The following EPHA8 variants were observed in gnomAD, a reference collection of about 807,000 sequenced individuals.
The protein encoded by EPHA8 is EPH receptor A8.
In EPHA8, 58 loss-of-function variants were observed where a neutral mutation model predicts 103.6. That is an observed-to-expected ratio of 0.56 (90% confidence interval 0.45 to 0.70). The LOEUF (loss-of-function observed/expected upper bound fraction) is 0.70, where lower values mean the gene tolerates loss of function less well. Ranked by LOEUF, EPHA8 falls within the 30% of genes least tolerant of loss-of-function variation. The probability of loss-of-function intolerance (pLI) is 0.00; values close to 1 mark genes in which losing one functional copy is unlikely to be tolerated. For missense variants in EPHA8, 1,304 were observed against 1,395.2 expected (o/e 0.93, Z 1.04); for synonymous variants, 559 against 572.5 (o/e 0.98, Z 0.34).
chr1:22,595,148 G>T (rs966219473), intron 7 of EPHA8, 82 bp from the exon 8 acceptor site: 35 of 1,177,530 alleles, frequency 3.0e-5, no homozygotes, highest in Non-Finnish European at 2.0e-5. Flanking sequence ...TCACAGCCAG[G>T]CAGGCTCAGA....
chr1:22,592,026 C>T (rs1028040551), intron 5 of EPHA8, among the ~76,000 whole-genome samples: 10 of 152,118 alleles, frequency 6.6e-5, no homozygotes, highest in Non-Finnish European at 1.5e-4. Context: ...GCAGAGTTCC[C>T]GGCTCCTAGC....
rs146955063 is a variant in EPHA8 at position 22,598,189 on chromosome 1, G to A, written c.2155G>A (p.Gly719Ser). 8 of 1,613,264 alleles carry A rather than the reference G, an allele frequency of 5.0e-6. No homozygotes were observed. The East Asian group carries it at 6.7e-5, about 13-fold the overall frequency. Residue 719 changes from glycine to serine, a missense_variant, in exon 12 of 17, where the codon GGC becomes AGC. Transcript: ENST00000166244. The surrounding 1 kb of genome is among the most constrained non-coding windows in gnomAD (Gnocchi z 5.1). Reference protein sequence around the residue: ...AMIVTEYMENGSLDTFLRTHD... With the variant: ...AMIVTEYMENSSLDTFLRTHD... ...GATTGTGACTGAGTACATGGAGAAC[G>A]GCTCTCTGGACACCTTCCTGAGGGT...
Position 22,593,619 on chromosome 1 carries a change from C to G in EPHA8, c.1536C>G (p.Val512=). 3 of 1,609,780 alleles carry G rather than the reference C, an allele frequency of 1.9e-6. No individual in the cohort carries two copies. Among genetic ancestry groups the G allele is most frequent in the Non-Finnish European group, 1.7e-6 (2 of 1,178,522 alleles). ...LKPGTRYVFQ[V]RARTSAGCGR... Reference sequence around the variant, plus strand: ...CGGGCACCCGCTACGTGTTCCAGGTCCGAGCCCGCACCTCAGCAGGCTGTG... The same window carrying G: ...CGGGCACCCGCTACGTGTTCCAGGTGCGAGCCCGCACCTCAGCAGGCTGTG... Residue 512 remains valine, a synonymous_variant, in exon 7 of 17, where the codon GTC becomes GTG. Coordinates refer to ENST00000166244, the MANE Select transcript of EPHA8 (RefSeq NM_020526.5).
At chr1:22,578,054 TGC>T (rs1491369495) in intron 3 of EPHA8, among the ~76,000 whole-genome samples, 108 of 84,658 alleles carry the variant, frequency 1.3e-3, no homozygotes, top group African/African-American at 4.2e-3. Context: ...TGCATGTGTG[TGC>T]ATGTGTGCAT....
In EPHA8 at chr1:22,589,138, A is replaced by G. The variant is rs1467309835; in HGVS notation, c.1247A>G (p.Asn416Ser). ...TACTCCTTCTGGATCGAGGCCGTCA[A>G]TGGCGTGTCCGACCTGAGCCCCGAG... Reference protein sequence around the residue: ...MNYSFWIEAVNGVSDLSPEPR... With the variant: ...MNYSFWIEAVSGVSDLSPEPR... The change falls in exon 5 of 17, where the codon AAT (asparagine) becomes AGT (serine). Residue 416 changes from asparagine to serine, a missense_variant. Transcript: ENST00000166244. This position sits in a 1 kb window ranked among gnomAD's most constrained non-coding sequence, Gnocchi z 4.3. 18 of 1,613,878 alleles carry G rather than the reference A, an allele frequency of 1.1e-5. No individual in the cohort carries two copies. In the East Asian group the frequency reaches 2.5e-4, roughly 22 times the overall value.
In EPHA8 at chr1:22,601,717, C is replaced by T. The variant is rs1213775602; in HGVS notation, c.2994C>T (p.Thr998=). Reference sequence around the variant, plus strand: ...CCATGCGGGCCCAGCTGACCAGCACCCAGGGGCCCCGCCGGCACCTCTGAT... The same window carrying T: ...CCATGCGGGCCCAGCTGACCAGCACTCAGGGGCCCCGCCGGCACCTCTGAT... The part of the protein sequence containing the change: ...IQTMRAQLTS[T]QGPRRHL The change falls in exon 17 of 17, where the codon ACC becomes ACT. Residue 998 remains threonine (T), a synonymous_variant. Transcript: ENST00000166244. 6.4e-7 allele frequency: 1 copy of T among 1,566,462 alleles called. No individual in the cohort carries two copies. The highest frequency in any genetic ancestry group is 1.7e-4 in the Middle Eastern group (1 of 5,828).
intron 1 of EPHA8, among the ~76,000 whole-genome samples, chr1:22,566,318 G>A (rs529558577): frequency 1.2e-4 from 19 of 152,356 alleles, no homozygotes; most frequent in South Asian, 4.1e-4. Context: ...ACCATCATGC[G>A]CTGCGTCCTC....
rs375816919 is a variant in EPHA8, at chr1:22,600,883, G to C, written c.2539-15G>C. ...GCAGGGAGGGACGGCTGAGCCCAGC[G>C]CTGATCCCCTGCAGGTCATCAGCTC... is the stretch of plus-strand genomic sequence containing the variant. On this transcript the variant is annotated splice_polypyrimidine_tract_variant and intron_variant, in intron 14 of 16. Transcript: ENST00000166244. 6.3e-7 allele frequency: 1 copy of C among 1,596,692 alleles called. No individual in the cohort carries two copies. The highest frequency in any genetic ancestry group is 8.5e-7 in the Non-Finnish European group (1 of 1,170,468).
chr1:22,594,849 C>T (rs1485030363), intron 7 of EPHA8, among the ~76,000 whole-genome samples: 3 of 152,118 alleles, frequency 2.0e-5, no homozygotes, highest in Non-Finnish European at 2.9e-5. Flanking sequence ...CTGGAAGGGA[C>T]GTGGGGAGGG....
chr1:22,577,782 ATGTGTGCG>A lies in EPHA8; in HGVS notation c.823+912_823+919del, dbSNP rs370870592. ...GTGGTGTGCATGAGTGTGTGTGTGCATGTGTGCGTGTGTGCGTAAGTGTATGTGTGCAT... is the reference window on the plus strand; with the variant it reads ...GTGGTGTGCATGAGTGTGTGTGTGCATGTGTGCGTAAGTGTATGTGTGCAT... On this transcript the variant is annotated intron_variant, in intron 3 of 16. Transcript: ENST00000166244. Among the ~76,000 whole-genome samples the A allele has an allele frequency of 6.8e-3, 998 of 147,634 alleles. 10 individuals carry two copies. The highest frequency in any genetic ancestry group is 0.024 in the African/African-American group (943 of 39,246).
At chr1:22,599,446 G>A (rs969572870) in intron 13 of EPHA8, among the ~76,000 whole-genome samples, 2 of 152,110 alleles carry the variant, frequency 1.3e-5, no homozygotes, top group Non-Finnish European at 2.9e-5. Context: ...CAGCCTTAAA[G>A]GCAGGAGCTG....
Position 22,597,818 on chromosome 1 carries a change from C to G in EPHA8, c.2073C>G (p.Phe691Leu). 6.2e-7 allele frequency: 1 copy of G among 1,612,958 alleles called. No individual in the cohort carries two copies. Among genetic ancestry groups the G allele is most frequent in the Non-Finnish European group, 8.5e-7 (1 of 1,179,856 alleles). ...FLSEASIMGQ[F>L]DHPNIIRLEG... is the part of the protein sequence containing the mutation. The stretch of plus-strand genomic sequence containing the variant: ...GCGAGGCGTCCATCATGGGGCAATT[C>G]GACCATCCCAACATCATCCGCCTCG... The change falls in exon 11 of 17, where the codon TTC (phenylalanine) becomes TTG (leucine). Residue 691 changes from phenylalanine (F) to leucine (L), a missense_variant. By Grantham distance (22) the Phe-to-Leu change is conservative. Coordinates refer to ENST00000166244, the MANE Select transcript of EPHA8 (RefSeq NM_020526.5). This position sits in a 1 kb window ranked among gnomAD's most constrained non-coding sequence, Gnocchi z 4.6.
chr1:22,568,567 G>A (rs1640435058), intron 1 of EPHA8, among the ~76,000 whole-genome samples: 3 of 152,322 alleles, frequency 2.0e-5, no homozygotes, highest in Non-Finnish European at 1.5e-5. Context: ...AATACTGGCC[G>A]CCTCTCAGGT....
intron 13 of EPHA8, among the ~76,000 whole-genome samples, chr1:22,599,767 A>G (rs867261314): frequency 2.3e-4 from 10 of 43,078 alleles, no homozygotes; most frequent in African/African-American, 6.6e-4. Flanking sequence ...AAGAAGGGAG[A>G]GAGGGAGGAA....
chr1:22,591,536 T>C (rs998617417), intron 5 of EPHA8, among the ~76,000 whole-genome samples: 1 of 151,892 alleles, frequency 6.6e-6, no homozygotes, highest in Non-Finnish European at 1.5e-5. Context: ...GCCCCCCAAG[T>C]TTTTTAGATG....
intron 13 of EPHA8, 107 bp downstream of exon 13, chr1:22,599,154 C>T (rs768566393): frequency 2.6e-5 from 32 of 1,249,998 alleles, no homozygotes; most frequent in South Asian, 8.4e-5. Flanking sequence ...TTGGCAGTTT[C>T]GGGGTGGCCC....
At chr1:22,573,107 A>T (rs1454442928) in intron 2 of EPHA8, among the ~76,000 whole-genome samples, 2 of 152,176 alleles carry the variant, frequency 1.3e-5, no homozygotes, top group Non-Finnish European at 2.9e-5. Flanking sequence ...GGAGCCTCTG[A>T]CAGCAAAGCG....
At position 22,576,728 on chromosome 1, in the gene EPHA8, C is replaced by T. The variant is rs779712228; in HGVS notation, c.671C>T (p.Ser224Phe). 5 of 1,613,724 alleles carry T rather than the reference C, an allele frequency of 3.1e-6. No individual in the cohort carries two copies. The highest frequency in any genetic ancestry group is 2.2e-5 in the East Asian group (1 of 44,902). Reference sequence around the variant, plus strand: ...GAGGCAGTGACGGGGGCCGACTCGTCCTCACTGGTGGAGGTGAGGGGCCAG... The same window carrying T: ...GAGGCAGTGACGGGGGCCGACTCGTTCTCACTGGTGGAGGTGAGGGGCCAG... ...FSEAVTGADS[S>F]SLVEVRGQCV... The change falls in exon 3 of 17, where the codon TCC becomes TTC. Residue 224 changes from serine to phenylalanine, a missense_variant. Physicochemically the swap from Ser to Phe is radical, Grantham distance 155 (BLOSUM62 -2). Coordinates refer to ENST00000166244, the MANE Select transcript of EPHA8 (RefSeq NM_020526.5). This position sits in a 1 kb window ranked among gnomAD's most constrained non-coding sequence, Gnocchi z 4.8.
chr1:22,600,517 G>T (rs1212696404), intron 13 of EPHA8, 144 bp from the exon 14 acceptor site: 10 of 1,146,010 alleles, frequency 8.7e-6, no homozygotes, highest in Non-Finnish European at 1.1e-5. Context: ...CCTCCCTCAG[G>T]ACAGGTGCTC....
Sources: gnomAD v4.1 joint callset for allele counts (sites outside exome capture counted in the v4.1 genomes callset) on GRCh38, gnomAD v4.1.1 for gene constraint, Gnocchi (gnomAD v3.1) non-coding constraint, MANE v1.5 for transcripts, NCBI Gene and HGNC (gene_info 2026-07-23, HGNC 2026-07-21) for gene names.